The following TBL2 variants were observed in gnomAD, a reference collection of about 807,000 sequenced individuals.
TBL2 encodes transducin beta-like protein 2.
In TBL2, 33 loss-of-function variants were observed where a neutral mutation model predicts 41.8. That is an observed-to-expected ratio of 0.79 (90% CI 0.60 to 1.06). The LOEUF is 1.06. Ranked by LOEUF, TBL2 falls within the 50% of genes least tolerant of loss-of-function variation. The pLI, the probability that TBL2 is intolerant of heterozygous loss-of-function variation, is 0.00. For missense variants in TBL2, 522 were observed against 603.8 expected (o/e 0.86, Z 1.42); for synonymous variants, 239 against 241.7 (o/e 0.99, Z 0.10).
In TBL2 at chr7:73,569,171, G is replaced by A. The variant is rs181933287; in HGVS notation, c.*1336C>T. 2 of 152,322 alleles carry A rather than the reference G, an allele frequency of 1.3e-5. No homozygotes were observed. Among genetic ancestry groups the A allele is most frequent in the East Asian group, 1.9e-4 (1 of 5,188 alleles). 9.4% of individuals were successfully genotyped at this position (152,322 alleles called of 1,614,324 possible). On this transcript the variant is annotated 3_prime_UTR_variant, in exon 7 of 7. Transcript: ENST00000305632. ...GACCAGGATGGTAACAGAAAAGCTGGAGAGAAGCAACAGCCTCAGGATGTC... is the reference window on the plus strand; with the variant it reads ...GACCAGGATGGTAACAGAAAAGCTGAAGAGAAGCAACAGCCTCAGGATGTC...
chr7:73,573,710 C>T (rs1793114736), intron 3 of TBL2: 2 of 753,848 alleles, frequency 2.7e-6, no homozygotes, highest in South Asian at 3.9e-5. Flanking sequence ...GGAAGCCAGG[C>T]CAAGGTATTT....
At chr7:73,573,277 C>T (rs1554588137) in intron 4 of TBL2, 43 bp downstream of exon 4, 1 of 1,609,006 alleles carries the variant, frequency 6.2e-7, no homozygotes, top group South Asian at 1.1e-5. Context: ...CTGGATCTTT[C>T]CTTCATGCTT....
At position 73,571,297 on chromosome 7, in the gene TBL2, T is replaced by G. The variant is rs141739395; in HGVS notation, c.770A>C (p.Glu257Ala). The change falls in exon 6 of 7, where the codon GAA becomes GCA. Residue 257 changes from glutamate to alanine, a missense_variant. Physicochemically the swap from Glu to Ala is moderately radical, Grantham distance 107 (BLOSUM62 -1). Coordinates refer to ENST00000305632, the MANE Select transcript of TBL2 (RefSeq NM_012453.4). ...CTCCCCCTTCTTTCCAAAGCAGACT[T>G]CCCAAACCTTCACATCTGGGGTGAA... ...CGFTPDVKVW[E>A]VCFGKKGEFQ... 8.6e-4 allele frequency: 1,387 copies of G among 1,614,092 alleles called. 14 individuals are homozygous for G. In the Middle Eastern group the frequency reaches 0.012, roughly 14 times the overall value.
At chr7:73,573,157 C>G in intron 4 of TBL2, 163 bp downstream of exon 4, 1 of 1,347,974 alleles carries the variant, frequency 7.4e-7, no homozygotes, top group Non-Finnish European at 1.0e-6. Flanking sequence ...CTGGTGTGGC[C>G]CAGGGACTCC....
Position 73,573,993 on chromosome 7 carries a change from T to A in TBL2, c.391A>T (p.Arg131Ter). 6.2e-7 allele frequency: 1 copy of A among 1,614,206 alleles called. No individual in the cohort carries two copies. Among genetic ancestry groups the A allele is most frequent in the Non-Finnish European group, 8.5e-7 (1 of 1,180,040 alleles). ...DFLQREHRSMRANVELDHATL... is the reference protein window; with the variant it reads ...DFLQREHRSM Reference sequence around the variant, plus strand: ...GCGTGGTCCAGCTCCACGTTGGCTCTCATGCTGCGGTGCTCTCGCTGCAGG... The same window carrying A: ...GCGTGGTCCAGCTCCACGTTGGCTCACATGCTGCGGTGCTCTCGCTGCAGG... Residue 131 changes from arginine (R) to a stop codon, truncating the protein, a stop_gained, in exon 3 of 7, where the codon AGA becomes TGA. Coordinates refer to ENST00000305632, the MANE Select transcript of TBL2 (RefSeq NM_012453.4). LOFTEE classifies it high-confidence loss of function.
chr7:73,576,814 C>A, intron 1 of TBL2: 1 of 416,592 alleles, frequency 2.4e-6, no homozygotes, highest in Non-Finnish European at 4.8e-6. Flanking sequence ...GGACTCCTTG[C>A]CTTCTCGGGT....
At position 73,574,445 on chromosome 7, in the gene TBL2, T is replaced by TCCG; in HGVS notation, c.196_198dup (p.Arg66dup). On this transcript the variant is annotated inframe_insertion, in exon 2 of 7. Coordinates refer to ENST00000305632, the MANE Select transcript of TBL2 (RefSeq NM_012453.4). ...TGTTGTTGAGGCTTCTCCTTCCGAA[T>TCCG]CCGCTGATATTGTTTCTGCTTCTTG... 1 of 1,614,236 alleles carries TCCG rather than the reference T, an allele frequency of 6.2e-7. No homozygotes were observed. Among genetic ancestry groups the TCCG allele is most frequent in the Non-Finnish European group, 8.5e-7 (1 of 1,180,042 alleles).
chr7:73,574,247 G>C, intron 2 of TBL2, 125 bp from the exon 3 acceptor site: 1 of 1,519,780 alleles, frequency 6.6e-7, no homozygotes, highest in Non-Finnish European at 8.9e-7. Flanking sequence ...GGGCTGCGAT[G>C]AGAGGGGACA....
chr7:73,573,646 G>A (rs531648825), intron 3 of TBL2, among the ~76,000 whole-genome samples, 175 bp from the exon 4 acceptor site: 2 of 152,246 alleles, frequency 1.3e-5, no homozygotes, highest in African/African-American at 4.8e-5. Flanking sequence ...GTAAGATTCT[G>A]ATAGCTTTGG....
intron 1 of TBL2, 141 bp from the exon 2 acceptor site, chr7:73,574,654 A>G (rs1793182937): frequency 8.3e-7 from 1 of 1,207,262 alleles, no homozygotes; most frequent in East Asian, 2.5e-5. Context: ...TGAGTGTGAT[A>G]TGGGCAAAAA....
intron 1 of TBL2, among the ~76,000 whole-genome samples, chr7:73,577,290 G>A (rs1554589174): frequency 6.6e-6 from 1 of 150,422 alleles, no homozygotes; most frequent in Non-Finnish European, 1.5e-5. Flanking sequence ...AAAAATGCAG[G>A]GCTGGCCGGG....
Position 73,571,357 on chromosome 7 carries a change from G to A in TBL2, c.726-16C>T. 6.2e-7 allele frequency: 1 copy of A among 1,614,046 alleles called. No homozygotes were observed. The highest frequency in any genetic ancestry group is 1.1e-5 in the South Asian group (1 of 91,078). ...GGCTACAAATCTGCCATACAACCCA[G>A]AAGCCTTTAAAACTTCATTTTCGGA... On this transcript the variant is annotated splice_polypyrimidine_tract_variant and intron_variant, in intron 5 of 6. Coordinates refer to ENST00000305632, the MANE Select transcript of TBL2 (RefSeq NM_012453.4).
intron 2 of TBL2, 109 bp from the exon 3 acceptor site, chr7:73,574,231 G>A (rs1414535775): frequency 5.2e-6 from 8 of 1,532,280 alleles, no homozygotes; most frequent in Non-Finnish European, 7.0e-6. Context: ...ACAGCAAGCT[G>A]AGATTGGGCT....
In TBL2 at chr7:73,569,242, T is replaced by C. The variant is rs1792773881; in HGVS notation, c.*1265A>G. On this transcript the variant is annotated 3_prime_UTR_variant, in exon 7 of 7. Transcript: ENST00000305632. ...AACGTTCTGGTGAACAGATGACAGCTGTGGTGGTGGGACAGAAGGGATAAT... is the reference window on the plus strand; with the variant it reads ...AACGTTCTGGTGAACAGATGACAGCCGTGGTGGTGGGACAGAAGGGATAAT... The C allele has an allele frequency of 6.6e-6, 1 of 152,068 alleles. No homozygotes were observed. The highest frequency in any genetic ancestry group is 2.1e-4 in the South Asian group (1 of 4,818). The allele number at this position is 152,068 out of a possible 1,614,324, so 9.4% of individuals were successfully genotyped here. A position where few individuals can be genotyped will look rare whatever the true frequency, so the allele number is the denominator to read the frequency against.
chr7:73,578,334 C>T (rs1554589424), intron 1 of TBL2, 86 bp downstream of exon 1: 2 of 1,536,442 alleles, frequency 1.3e-6, no homozygotes, highest in South Asian at 1.2e-5. Context: ...CCCCACCAGC[C>T]GCGGGCCCAA....
At chr7:73,576,709 C>T (rs1554589013) in intron 1 of TBL2, 2 of 456,500 alleles carry the variant, frequency 4.4e-6, no homozygotes, top group African/African-American at 4.0e-5. Flanking sequence ...GCCCTGCAAA[C>T]AAACACAGCC....
In TBL2 at chr7:73,568,180, A is replaced by G. The variant is rs1265116981; in HGVS notation, c.*2327T>C. The stretch of plus-strand genomic sequence containing the variant: ...AGGTCTGTGGCTTGCCCCTGGCTTG[A>G]GTTTCACATTGAGTGCTTACACTGT... On this transcript the variant is annotated 3_prime_UTR_variant, in exon 7 of 7. Transcript: ENST00000305632. Among the ~76,000 whole-genome samples the G allele has an allele frequency of 6.6e-6, 1 of 152,078 alleles. No homozygotes were observed. Among genetic ancestry groups the G allele is most frequent in the Non-Finnish European group, 1.5e-5 (1 of 68,008 alleles).
intron 1 of TBL2, chr7:73,578,082 C>T: frequency 1.7e-6 from 1 of 604,182 alleles, no homozygotes; most frequent in Non-Finnish European, 2.8e-6. Flanking sequence ...TGCTGCTGCA[C>T]ATCACAGAAT....
rs868912788 is a variant in TBL2 at position 73,570,458 on chromosome 7, G to A, written c.*49C>T. ...AGGAAAGATGGCAGCAGTGCCATGA[G>A]GAGGCCAGATCCCTCCTCCTCAATC... On this transcript the variant is annotated 3_prime_UTR_variant, in exon 7 of 7. Transcript: ENST00000305632. The A allele has an allele frequency of 1.7e-5, 24 of 1,444,218 alleles. No individual in the cohort carries two copies. In the Middle Eastern group the frequency reaches 2.7e-3, roughly 161 times the overall value. 89.5% of individuals were successfully genotyped at this position (1,444,218 alleles called of 1,614,324 possible).
Sources: gnomAD v4.1 joint callset for allele counts (sites outside exome capture counted in the v4.1 genomes callset) on GRCh38, gnomAD v4.1.1 for gene constraint, MANE v1.5 for transcripts, NCBI Gene and HGNC (gene_info 2026-07-23, HGNC 2026-07-21) for gene names.